The following TMEM200A variants were observed in gnomAD, a reference collection of about 807,000 sequenced individuals.
TMEM200A encodes two transmembrane C.
In TMEM200A, 12 loss-of-function variants were observed where a neutral mutation model predicts 24.3. The observed-to-expected ratio is 0.49, with a 90% CI of 0.32 to 0.80. The LOEUF (loss-of-function observed/expected upper bound fraction) is 0.80. Ranked by LOEUF, TMEM200A falls within the 30% of genes least tolerant of loss-of-function variation. TMEM200A has a pLI of 0.04. For synonymous variants in TMEM200A, 224 were observed against 224.4 expected, an observed-to-expected ratio of 1.00 and a Z score of 0.02; for missense variants, 545 against 614.4, an observed-to-expected ratio of 0.89 and a Z score of 1.19.
chr6:130,429,641 A>G (rs1487531615), intron 2 of TMEM200A, among the ~76,000 whole-genome samples: 1 of 152,184 alleles, frequency 6.6e-6, no homozygotes, highest in South Asian at 2.1e-4. Context: ...AATGCAAGGA[A>G]TTAAACCATA....
In TMEM200A at chr6:130,441,260, A is replaced by G. The variant is rs1423877187; in HGVS notation, c.838A>G (p.Ile280Val). 3.1e-6 allele frequency: 5 copies of G among 1,614,150 alleles called. No homozygotes were observed. The highest frequency in any genetic ancestry group is 4.2e-6 in the Non-Finnish European group (5 of 1,179,992). Residue 280 changes from isoleucine to valine, a missense_variant, in exon 3 of 3, where the codon ATT becomes GTT. Transcript: ENST00000296978. ...CTCTAAGAAATGTGAAACCAAGTCA[A>G]TTGTGTCATCGTCCATCAGTGCTTT... ...SGSKKCETKS[I>V]VSSSISAFTL...
chr6:130,438,490 T>C (rs1035575106), intron 2 of TMEM200A: 1 of 152,250 alleles, frequency 6.6e-6, no homozygotes, highest in Non-Finnish European at 1.5e-5. Flanking sequence ...CAGCTAGATA[T>C]GGCAGCTTGA....
rs1778768857 is a variant in TMEM200A at position 130,388,721 on chromosome 6, C to A, written c.-17+3485C>A. Among the ~76,000 whole-genome samples, 3 of 152,122 alleles carry A rather than the reference C, an allele frequency of 2.0e-5. No homozygotes were observed. The South Asian group carries it at 6.2e-4, about 32-fold the overall frequency. On this transcript the variant is annotated intron_variant, in intron 2 of 2. Transcript: ENST00000296978. ...TGTTTACATTAAATAGTTCATTACT[C>A]AATTGTAAATACTAAAATTGGCAAG...
At chr6:130,385,116 A>C (rs1778683081) in intron 1 of TMEM200A, 57 bp from the exon 2 acceptor site, 2 of 152,230 alleles carry the variant, frequency 1.3e-5, no homozygotes, top group East Asian at 3.8e-4. Flanking sequence ...TCATGCATGT[A>C]AATTTGCGAC....
intron 2 of TMEM200A, among the ~76,000 whole-genome samples, chr6:130,411,994 C>T (rs1053630900): frequency 6.6e-6 from 1 of 151,802 alleles, no homozygotes. Context: ...TAAAATCTGA[C>T]ACTATCATTA....
intron 2 of TMEM200A, among the ~76,000 whole-genome samples, chr6:130,411,350 G>T (rs891080127): frequency 1.3e-5 from 2 of 151,980 alleles, no homozygotes; most frequent in Admixed American, 6.6e-5. Context: ...AGTACAAAAA[G>T]CTGTTTTCCT....
At chr6:130,410,908 C>T (rs1488592945) in intron 2 of TMEM200A, among the ~76,000 whole-genome samples, 1 of 152,162 alleles carries the variant, frequency 6.6e-6, no homozygotes, top group Non-Finnish European at 1.5e-5. Flanking sequence ...GTGGCTCACG[C>T]CTATAATCCC....
At chr6:130,419,601 TG>T (rs1779535194) in intron 2 of TMEM200A, among the ~76,000 whole-genome samples, 1 of 152,154 alleles carries the variant, frequency 6.6e-6, no homozygotes, top group South Asian at 2.1e-4. Context: ...TGTCTAGATG[TG>T]GGCAATTTCT....
In TMEM200A at chr6:130,421,765, A is replaced by G. The variant is rs113458270; in HGVS notation, c.-16-18642A>G. ...TATGAACTTGATGTTTTTAGATTCC[A>G]TGTAAGTGAGATCATACAGTATTTT... is the stretch of plus-strand genomic sequence containing the variant. On this transcript the variant is annotated intron_variant, in intron 2 of 2. Transcript: ENST00000296978. Among the ~76,000 whole-genome samples the G allele has an allele frequency of 3.0e-4, 45 of 152,210 alleles. 1 individual carries two copies. Among genetic ancestry groups the G allele is most frequent in the African/African-American group, 1.0e-3 (42 of 41,534 alleles).
intron 2 of TMEM200A, among the ~76,000 whole-genome samples, chr6:130,423,693 G>GAGAC (rs1318525043): frequency 6.6e-6 from 1 of 151,936 alleles, no homozygotes; most frequent in African/African-American, 2.4e-5. Flanking sequence ...CTTAGCTTTG[G>GAGAC]AGACAGATGA....
At position 130,438,082 on chromosome 6, in the gene TMEM200A, AT is replaced by A. The variant is rs1251121274; in HGVS notation, c.-16-2322del. The A allele has an allele frequency of 1.3e-4, 20 of 152,350 alleles. No individual in the cohort carries two copies. In the South Asian group the frequency reaches 1.7e-3, roughly 13 times the overall value. 9.4% of individuals were successfully genotyped at this position (152,350 alleles called of 1,614,324 possible). On this transcript the variant is annotated intron_variant, in intron 2 of 2. Transcript: ENST00000296978. ...TAGAGGGCTGCTATCTAATCTAAGCATTTAATTCAAACATTTGAAATGGTTT... is the reference window on the plus strand; with the variant it reads ...TAGAGGGCTGCTATCTAATCTAAGCATTAATTCAAACATTTGAAATGGTTT...
At chr6:130,435,538 A>G (rs1323582312) in intron 2 of TMEM200A, among the ~76,000 whole-genome samples, 1 of 152,224 alleles carries the variant, frequency 6.6e-6, no homozygotes, top group African/African-American at 2.4e-5. Context: ...ATGTGTACCT[A>G]GAAAGAGGTC....
intron 2 of TMEM200A, among the ~76,000 whole-genome samples, chr6:130,406,854 C>T (rs1779220151): frequency 6.6e-6 from 1 of 152,188 alleles, no homozygotes; most frequent in Admixed American, 6.5e-5. Flanking sequence ...TATGTCTTAG[C>T]CTCCCATCTG....
chr6:130,392,039 G>T (rs113937525), intron 2 of TMEM200A, among the ~76,000 whole-genome samples: 3 of 151,990 alleles, frequency 2.0e-5, no homozygotes, highest in Admixed American at 6.5e-5. Flanking sequence ...CACCACACAC[G>T]GCCAAGATTC....
intron 1 of TMEM200A, among the ~76,000 whole-genome samples, chr6:130,370,469 G>A (rs1290005152): frequency 6.6e-6 from 1 of 152,064 alleles, no homozygotes; most frequent in African/African-American, 2.4e-5. Context: ...ATAGAGTTGT[G>A]GTTCTCCCAA....
intron 2 of TMEM200A, among the ~76,000 whole-genome samples, chr6:130,409,529 T>C (rs1779284417): frequency 6.6e-6 from 1 of 152,214 alleles, no homozygotes; most frequent in Non-Finnish European, 1.5e-5. Flanking sequence ...TTCTGCTTAG[T>C]GATCTATTTC....
intron 2 of TMEM200A, among the ~76,000 whole-genome samples, chr6:130,428,428 CCT>C (rs1345642192): frequency 6.6e-6 from 1 of 152,158 alleles, no homozygotes; most frequent in Non-Finnish European, 1.5e-5. Context: ...TTATCCTCCA[CCT>C]TTTTTCTTTC....
At chr6:130,388,313 A>G (rs1188415471) in intron 2 of TMEM200A, among the ~76,000 whole-genome samples, 2 of 152,224 alleles carry the variant, frequency 1.3e-5, no homozygotes, top group Non-Finnish European at 2.9e-5. Flanking sequence ...CCTAGTGAAT[A>G]ACCAATTAAA....
chr6:130,410,912 T>C (rs1237292544), intron 2 of TMEM200A, among the ~76,000 whole-genome samples: 1 of 152,230 alleles, frequency 6.6e-6, no homozygotes, highest in African/African-American at 2.4e-5. Flanking sequence ...CTCACGCCTA[T>C]AATCCCAGCA....
Sources: gnomAD v4.1 joint callset for allele counts (sites outside exome capture counted in the v4.1 genomes callset) on GRCh38, gnomAD v4.1.1 for gene constraint, MANE v1.5 for transcripts, NCBI Gene and HGNC (gene_info 2026-07-23, HGNC 2026-07-21) for gene names.